Variants in SLIT3 observed in about 807,000 individuals in gnomAD.
The protein encoded by SLIT3 is slit homolog 3 protein.
SLIT3 carries 68 observed loss-of-function variants against 184.0 expected under a neutral mutation model. The ratio of observed to expected loss-of-function variants is 0.37; its 90% confidence interval spans 0.30 to 0.45. The LOEUF is 0.45. SLIT3 is among the 20% of genes least tolerant of loss of function. The probability of loss-of-function intolerance (pLI) is 1.00; values close to 1 mark genes in which losing one functional copy is unlikely to be tolerated. For synonymous variants in SLIT3, 831 were observed against 828.6 expected (o/e 1.00, Z -0.05); for missense variants, 1,707 against 2,026.0 (o/e 0.84, Z 3.02).
At chr5:168,846,912 A>G (rs1758492680) in intron 5 of SLIT3, among the ~76,000 whole-genome samples, 1 of 145,814 alleles carries the variant, frequency 6.9e-6, no homozygotes, top group Non-Finnish European at 1.5e-5. Context: ...AAAGAAGAGA[A>G]TAAACCAAAG....
At chr5:168,985,769 T>C (rs567956979) in intron 4 of SLIT3, among the ~76,000 whole-genome samples, 27 of 152,080 alleles carry the variant, frequency 1.8e-4, no homozygotes, top group African/African-American at 6.3e-4. Flanking sequence ...CTTGCTACAG[T>C]GAGGAGAGGG....
intron 4 of SLIT3, among the ~76,000 whole-genome samples, chr5:169,116,621 C>T (rs1760673208): frequency 6.6e-6 from 1 of 152,214 alleles, no homozygotes; most frequent in African/African-American, 2.4e-5. Context: ...CTATTATCAT[C>T]ACTGATAAGA....
At chr5:169,100,975 G>A (rs574320741) in intron 4 of SLIT3, among the ~76,000 whole-genome samples, 21 of 152,320 alleles carry the variant, frequency 1.4e-4, no homozygotes, top group African/African-American at 2.9e-4. Context: ...GGGAGTCAGC[G>A]TGAAAGTTGA....
intron 4 of SLIT3, among the ~76,000 whole-genome samples, chr5:169,155,400 TGG>T (rs1361118428): frequency 6.6e-6 from 1 of 152,194 alleles, no homozygotes; most frequent in Admixed American, 6.5e-5. Flanking sequence ...ATGCATAATT[TGG>T]ATCTGAAATT....
At position 168,757,589 on chromosome 5, in the gene SLIT3, G is replaced by A. The variant is rs528695387; in HGVS notation, c.1685+3273C>T. Among the ~76,000 whole-genome samples the A allele has an allele frequency of 2.0e-3, 302 of 152,186 alleles. 2 individuals carry two copies. Among genetic ancestry groups the A allele is most frequent in the African/African-American group, 6.3e-3 (262 of 41,554 alleles). On this transcript the variant is annotated intron_variant, in intron 16 of 35. Coordinates refer to ENST00000519560, the MANE Select transcript of SLIT3 (RefSeq NM_003062.4). ...GCTGGCACTACAGGCGCCTGCCATT[G>A]CGCCCGGCTAATTTTTTTTGTATTT...
chr5:168,821,469 C>T (rs538258577), intron 7 of SLIT3, among the ~76,000 whole-genome samples: 2 of 152,332 alleles, frequency 1.3e-5, no homozygotes, highest in African/African-American at 4.8e-5. Context: ...CCCTGGGTCC[C>T]ACTTTTCCCC....
chr5:168,846,716 C>T (rs1171693243), intron 5 of SLIT3, among the ~76,000 whole-genome samples: 1 of 152,154 alleles, frequency 6.6e-6, no homozygotes, highest in African/African-American at 2.4e-5. Flanking sequence ...GTTTGTGGTG[C>T]ATTGGTTTTC....
At chr5:169,049,048 C>A (rs1301218750) in intron 4 of SLIT3, among the ~76,000 whole-genome samples, 1 of 152,134 alleles carries the variant, frequency 6.6e-6, no homozygotes, top group African/African-American at 2.4e-5. Flanking sequence ...CGGGCAGTTT[C>A]TTCGAGAAAA....
rs747746239 is a variant in SLIT3, at chr5:168,798,223, CT to C, written c.936-2646del. Among the ~76,000 whole-genome samples, 156 of 109,000 alleles carry C rather than the reference CT, an allele frequency of 1.4e-3. 1 individual carries two copies. The highest frequency in any genetic ancestry group is 1.5e-3 in the Non-Finnish European group (90 of 59,082). 71.5% of individuals were successfully genotyped at this position (109,000 alleles called of 152,430 possible). A position where few individuals can be genotyped will look rare whatever the true frequency, so the allele number is the denominator to read the frequency against. On this transcript the variant is annotated intron_variant, in intron 9 of 35. Transcript: ENST00000519560. ...TTGGTTTTCTTTTCTTCTTCTTCTT[CT>C]TTTTTTTTTTTTTTTAAGAGACAGA...
intron 10 of SLIT3, among the ~76,000 whole-genome samples, chr5:168,794,924 G>T (rs558706221): frequency 6.6e-6 from 1 of 152,180 alleles, no homozygotes; most frequent in Admixed American, 6.5e-5. Flanking sequence ...CTACCTAAAA[G>T]ACACCCTCCC....
chr5:169,047,079 T>TA (rs1434170777), intron 4 of SLIT3, among the ~76,000 whole-genome samples: 1 of 151,860 alleles, frequency 6.6e-6, no homozygotes, highest in Non-Finnish European at 1.5e-5. Context: ...AACCAAAACC[T>TA]AAAAAAACCC....
intron 4 of SLIT3, among the ~76,000 whole-genome samples, chr5:169,081,063 G>C (rs1216955926): frequency 1.3e-5 from 2 of 152,186 alleles, no homozygotes; most frequent in Non-Finnish European, 2.9e-5. Context: ...TCCAGCTCCA[G>C]GACTTGTTTA....
At chr5:169,269,148 T>G (rs1198330620) in intron 1 of SLIT3, among the ~76,000 whole-genome samples, 4 of 152,218 alleles carry the variant, frequency 2.6e-5, no homozygotes, top group Non-Finnish European at 5.9e-5. Flanking sequence ...TTTATTAGCC[T>G]GTAAGCAATA....
chr5:168,840,022 G>C (rs1452596959), intron 6 of SLIT3, among the ~76,000 whole-genome samples: 1 of 152,190 alleles, frequency 6.6e-6, no homozygotes, highest in Non-Finnish European at 1.5e-5. Flanking sequence ...GACAGTGAGA[G>C]GTCATCCTGG....
At chr5:168,788,845 A>G (rs4298263) in intron 11 of SLIT3, among the ~76,000 whole-genome samples, 21,919 of 152,118 alleles carry the variant, frequency 0.14, 1,757 homozygotes, top group African/African-American at 0.2. Flanking sequence ...GTTTTACTGT[A>G]CACGTGATCA....
At chr5:168,796,692 A>G (rs1226998030) in intron 9 of SLIT3, among the ~76,000 whole-genome samples, 1 of 152,194 alleles carries the variant, frequency 6.6e-6, no homozygotes, top group Non-Finnish European at 1.5e-5. Context: ...GAACCCATTC[A>G]TCTTGAAGAG....
At chr5:168,802,623 A>G (rs1280391198) in intron 9 of SLIT3, among the ~76,000 whole-genome samples, 2 of 152,150 alleles carry the variant, frequency 1.3e-5, no homozygotes, top group East Asian at 1.9e-4. Flanking sequence ...CTAGTTCCAG[A>G]ACCTATTCTC....
Position 168,793,937 on chromosome 5 carries a change from G to A in SLIT3, c.1007+1570C>T, listed in dbSNP as rs12187362. 5.7e-3 allele frequency among the ~76,000 whole-genome samples: 867 copies of A among 152,272 alleles called. 8 individuals are homozygous for A. Among genetic ancestry groups the A allele is most frequent in the South Asian group, 0.016 (79 of 4,816 alleles). On this transcript the variant is annotated intron_variant, in intron 10 of 35. Transcript: ENST00000519560. ...GCTGCCAAGAGGAGGGAAGAAGTAC[G>A]TGCTTCGAGCTGCCTCATTATGTTG...
chr5:168,772,821 C>A lies in SLIT3; in HGVS notation c.1419G>T (p.Lys473Asn). ...RCSSPRRLAN[K>N]RISQIKSKKF... ...TCTTGCTCTTGATCTGGCTGATGCG[C>A]TTGTTGGCGAGTCGGCGCGGGCTGC... is the stretch of plus-strand genomic sequence containing the variant. Residue 473 changes from lysine to asparagine, a missense_variant, in exon 14 of 36, where the codon AAG (lysine) becomes AAT (asparagine). Lys to Asn is a moderately conservative substitution (Grantham distance 94). Around this residue, in one of 3 missense-constraint regions of SLIT3, gnomAD observed 1,307 missense variants for 1,511.6 expected, o/e 0.86. Transcript: ENST00000519560. 1 of 1,614,138 alleles carries A rather than the reference C, an allele frequency of 6.2e-7. No homozygotes were observed. The highest frequency in any genetic ancestry group is 8.5e-7 in the Non-Finnish European group (1 of 1,180,038).
Sources: gnomAD v4.1 joint callset for allele counts (sites outside exome capture counted in the v4.1 genomes callset) on GRCh38, gnomAD v4.1.1 for gene constraint, gnomAD v4.1.1 regional missense constraint, MANE v1.5 for transcripts, NCBI Gene and HGNC (gene_info 2026-07-23, HGNC 2026-07-21) for gene names.